ARID2: variants seen among roughly 807,000 people sequenced by gnomAD.
ARID2 encodes the protein AT-rich interaction domain 2.
ARID2 carries 32 observed loss-of-function variants against 184.6 expected under a neutral mutation model. The ratio of observed to expected loss-of-function variants is 0.17; its 90% CI spans 0.13 to 0.23. The LOEUF (loss-of-function observed/expected upper bound fraction) is 0.23, where lower values mean the gene tolerates loss of function less well. ARID2 is among the 10% of genes least tolerant of loss of function. The pLI is 1.00. For synonymous variants in ARID2, 836 were observed against 772.6 expected (o/e 1.08, Z -1.36); for missense variants, 1,696 against 2,197.6 (o/e 0.77, Z 4.56).
intron 16 of ARID2, among the ~76,000 whole-genome samples, chr12:45,864,749 G>T (rs1437134238): frequency 6.6e-6 from 1 of 152,094 alleles, no homozygotes; most frequent in Non-Finnish European, 1.5e-5. Context: ...GATATAAACA[G>T]CCTTTAAGGA....
chr12:45,805,291 G>A (rs144059992), intron 3 of ARID2, among the ~76,000 whole-genome samples: 55 of 151,994 alleles, frequency 3.6e-4, no homozygotes, highest in Non-Finnish European at 6.6e-4. Context: ...GAAAACAGCT[G>A]ATAACCTATT....
intron 5 of ARID2, among the ~76,000 whole-genome samples, chr12:45,818,153 T>C (rs1283823204): frequency 6.6e-6 from 1 of 152,156 alleles, no homozygotes; most frequent in Non-Finnish European, 1.5e-5. Flanking sequence ...AGACGATTGC[T>C]TGCTACAAGA....
At chr12:45,788,378 TGA>T (rs1942234300) in intron 3 of ARID2, among the ~76,000 whole-genome samples, 1 of 152,202 alleles carries the variant, frequency 6.6e-6, no homozygotes, top group Middle Eastern at 3.2e-3. Flanking sequence ...ATCATGTAGC[TGA>T]TAAATGGCAG....
rs80334881 is a variant in ARID2 at position 45,816,801 on chromosome 12, C to T, written c.419-869C>T. On this transcript the variant is annotated intron_variant, in intron 4 of 20. Transcript: ENST00000334344. ...ATAAAAGAAACCAGACAACAAAAGA[C>T]TATATTGTGTGATTCCACTTATTTG... 5.3e-5 allele frequency among the ~76,000 whole-genome samples: 8 copies of T among 152,230 alleles called. No individual in the cohort carries two copies. The East Asian group carries it at 1.5e-3, about 29-fold the overall frequency.
chr12:45,791,756 C>T (rs1225146268), intron 3 of ARID2, among the ~76,000 whole-genome samples: 3 of 152,068 alleles, frequency 2.0e-5, no homozygotes, highest in Non-Finnish European at 4.4e-5. Flanking sequence ...TCACTGTGCC[C>T]GGCCCAGATT....
chr12:45,820,484 G>A (rs531209202), intron 5 of ARID2, among the ~76,000 whole-genome samples: 6 of 152,208 alleles, frequency 3.9e-5, no homozygotes, highest in African/African-American at 9.6e-5. Context: ...GTCATAACAC[G>A]TCCAATAAGG....
At chr12:45,838,991 G>T (rs558158385) in intron 10 of ARID2, among the ~76,000 whole-genome samples, 1 of 149,968 alleles carries the variant, frequency 6.7e-6, no homozygotes, top group Non-Finnish European at 1.5e-5. Flanking sequence ...TCAGCCTTCC[G>T]AGTAGCTGGG....
Position 45,811,421 on chromosome 12 carries a change from C to A in ARID2, c.288C>A (p.Tyr96Ter), listed in dbSNP as rs1942706635. The change falls in exon 4 of 21, where the codon TAC becomes TAA. Residue 96 changes from tyrosine (Y) to a stop codon, truncating the protein, a stop_gained. Coordinates refer to ENST00000334344, the MANE Select transcript of ARID2 (RefSeq NM_152641.4). LOFTEE classifies it high-confidence loss of function. ...CTGTGCTGTTTTTCTGTTTCAGTTA[C>A]CTAGAAAAGTACGAGAAAGTTCATC... The part of the protein sequence containing the change: ...AFALKQYYLR[Y>*]LEKYEKVHHF... 6.2e-7 allele frequency: 1 copy of A among 1,608,994 alleles called. No individual in the cohort carries two copies. The highest frequency in any genetic ancestry group is 8.5e-7 in the Non-Finnish European group (1 of 1,177,110).
At chr12:45,826,843 A>G (rs1223425017) in intron 6 of ARID2, among the ~76,000 whole-genome samples, 1 of 152,122 alleles carries the variant, frequency 6.6e-6, no homozygotes, top group Non-Finnish European at 1.5e-5. Flanking sequence ...ATATACATCT[A>G]TCGAGTCTTT....
At chr12:45,839,690 G>A (rs894217771) in intron 11 of ARID2, 194 bp downstream of exon 11, 8 of 504,246 alleles carry the variant, frequency 1.6e-5, no homozygotes, top group Non-Finnish European at 2.6e-5. Context: ...GAGCTCATAG[G>A]AAGAATAGTA....
At chr12:45,827,566 G>A (rs1943026251) in intron 6 of ARID2, among the ~76,000 whole-genome samples, 1 of 152,124 alleles carries the variant, frequency 6.6e-6, no homozygotes, top group Non-Finnish European at 1.5e-5. Context: ...TGAGGCTTTT[G>A]CAAGTATTGT....
At chr12:45,843,602 T>A (rs983443838) in intron 11 of ARID2, among the ~76,000 whole-genome samples, 2 of 152,034 alleles carry the variant, frequency 1.3e-5, no homozygotes, top group Admixed American at 6.5e-5. Flanking sequence ...ATTTTCATTT[T>A]TATCAAGTTC....
intron 4 of ARID2, among the ~76,000 whole-genome samples, chr12:45,815,850 A>G (rs974279751): frequency 6.6e-6 from 1 of 152,114 alleles, no homozygotes; most frequent in African/African-American, 2.4e-5. Flanking sequence ...TGGTAGAGAC[A>G]GCATCTCATT....
Position 45,891,840 on chromosome 12 carries a change from T to C in ARID2, c.4983T>C (p.Asp1661=). The C allele has an allele frequency of 1.2e-6, 2 of 1,614,214 alleles. No individual in the cohort carries two copies. The highest frequency in any genetic ancestry group is 1.7e-6 in the Non-Finnish European group (2 of 1,180,026). The change falls in exon 17 of 21, where the codon GAT becomes GAC. Residue 1661 remains aspartate, a synonymous_variant. Coordinates refer to ENST00000334344, the MANE Select transcript of ARID2 (RefSeq NM_152641.4). The part of the protein sequence containing the change: ...YHAATEHGGK[D]VYPGQCLWEG... ...CAGCAACTGAACATGGAGGAAAAGA[T>C]GTATATCCAGGGCAGTGTCTTTGGG... is the stretch of plus-strand genomic sequence containing the variant.
At chr12:45,866,833 A>C (rs1943838821) in intron 16 of ARID2, among the ~76,000 whole-genome samples, 1 of 152,196 alleles carries the variant, frequency 6.6e-6, no homozygotes, top group Non-Finnish European at 1.5e-5. Context: ...CTACATTGAC[A>C]CATCATTATC....
chr12:45,861,030 T>C, intron 16 of ARID2, 81 bp downstream of exon 16: 1 of 1,298,268 alleles, frequency 7.7e-7, no homozygotes. Context: ...TCATCTATAG[T>C]TGCATGAAAA....
rs983894435 is a variant in ARID2, at chr12:45,907,251, C to T, written c.*2173C>T. On this transcript the variant is annotated 3_prime_UTR_variant, in exon 21 of 21. Transcript: ENST00000334344. ...ATCATATGGGGAATTTTCTATTCAC[C>T]GTACTTATCCAAAAATCTCTTTTAA... 4.7e-5 allele frequency: 11 copies of T among 232,540 alleles called. No homozygotes were observed. Among genetic ancestry groups the T allele is most frequent in the Non-Finnish European group, 5.9e-5 (7 of 117,754 alleles). The allele number at this position is 232,540 out of a possible 1,614,324, so 14.4% of individuals were successfully genotyped here.
At chr12:45,795,589 C>T (rs1373035095) in intron 3 of ARID2, among the ~76,000 whole-genome samples, 4 of 151,998 alleles carry the variant, frequency 2.6e-5, no homozygotes, top group Admixed American at 1.3e-4. Context: ...CCCGCCACCA[C>T]GCCTGGTTAA....
intron 3 of ARID2, among the ~76,000 whole-genome samples, chr12:45,758,584 A>G (rs1430278550): frequency 6.6e-6 from 1 of 152,166 alleles, no homozygotes; most frequent in Non-Finnish European, 1.5e-5. Context: ...TGGCTTAACA[A>G]ATCTTAAATT....
Sources: gnomAD v4.1 joint callset for allele counts (sites outside exome capture counted in the v4.1 genomes callset) on GRCh38, gnomAD v4.1.1 for gene constraint, MANE v1.5 for transcripts, NCBI Gene and HGNC (gene_info 2026-07-23, HGNC 2026-07-21) for gene names.